Variants in RADIL observed in about 807,000 individuals in gnomAD.
RADIL encodes the protein ras-associating and dilute domain-containing protein.
RADIL carries 99 observed loss-of-function variants against 97.6 expected under a neutral mutation model. That is an observed-to-expected ratio of 1.01 (90% CI 0.86 to 1.20). The LOEUF is 1.20. Among genes scored for constraint, RADIL ranks in the 50% most tolerant of loss-of-function variants. The pLI is 0.00. For missense variants in RADIL, 1,765 were observed against 1,498.9 expected, an observed-to-expected ratio of 1.18 and a Z score of -2.93; for synonymous variants, 803 against 691.8, an observed-to-expected ratio of 1.16 and a Z score of -2.52.
chr7:4,810,624 C>T (rs554615683), intron 9 of RADIL, among the ~76,000 whole-genome samples: 102 of 152,344 alleles, frequency 6.7e-4, no homozygotes, highest in African/African-American at 2.3e-3. Context: ...CTAAGCGGGC[C>T]GTGGCGAGGG....
rs373375590 is a variant in RADIL at position 4,816,283 on chromosome 7, G to A, written c.1911C>T (p.Leu637=). The A allele has an allele frequency of 3.3e-5, 54 of 1,612,688 alleles. No homozygotes were observed. Among genetic ancestry groups the A allele is most frequent in the Non-Finnish European group, 4.3e-5 (51 of 1,179,920 alleles). The change falls in exon 8 of 15, where the codon CTC becomes CTT. Residue 637 remains leucine, a synonymous_variant. Coordinates refer to ENST00000399583, the MANE Select transcript of RADIL (RefSeq NM_018059.5). The part of the protein sequence containing the change: ...QVHPEVASQM[L]AYLFFFSGTL... ...TCCCGGAGAAGAAGAAGAGGTAGGC[G>A]AGCATCTGCGAGGCCACCTCGGGGT...
chr7:4,821,553 C>T lies in RADIL; in HGVS notation c.1615+841G>A, dbSNP rs1325857140. Among the ~76,000 whole-genome samples, 1 of 152,180 alleles carries T rather than the reference C, an allele frequency of 6.6e-6. No homozygotes were observed. The highest frequency in any genetic ancestry group is 2.4e-5 in the African/African-American group (1 of 41,436). On this transcript the variant is annotated intron_variant, in intron 6 of 14. Coordinates refer to ENST00000399583, the MANE Select transcript of RADIL (RefSeq NM_018059.5). This position sits in a 1 kb window ranked among gnomAD's most constrained non-coding sequence, Gnocchi z 5.2. ...CTCCCTTAGTATTTTCAGAACACTT[C>T]CTACTGCATTTCAGAAATCCTGAAA... is the stretch of plus-strand genomic sequence containing the variant.
chr7:4,853,887 G>A (rs1300478388), intron 2 of RADIL, among the ~76,000 whole-genome samples: 1 of 152,070 alleles, frequency 6.6e-6, no homozygotes. Context: ...AATAGCATAA[G>A]CCCTAAGCTA....
intron 2 of RADIL, among the ~76,000 whole-genome samples, chr7:4,844,250 C>A (rs1392376026): frequency 6.6e-6 from 1 of 152,056 alleles, no homozygotes; most frequent in Non-Finnish European, 1.5e-5. Flanking sequence ...TCGAGACCAT[C>A]CTGGCCAACA....
rs377257333 is a variant in RADIL at position 4,846,436 on chromosome 7, C to T, written c.536-9831G>A. ...CTGGGATTACAGGCGTGAGCCACCG[C>T]GCCCGGCCCTATTGCTTTTTTAAGT... On this transcript the variant is annotated intron_variant, in intron 2 of 14. Transcript: ENST00000399583. 2.6e-3 allele frequency among the ~76,000 whole-genome samples: 393 copies of T among 151,406 alleles called. 2 individuals are homozygous for T. The highest frequency in any genetic ancestry group is 8.3e-3 in the African/African-American group (343 of 41,284).
chr7:4,820,611 GT>G (rs1166048912), intron 6 of RADIL, among the ~76,000 whole-genome samples: 1 of 152,204 alleles, frequency 6.6e-6, no homozygotes, highest in Non-Finnish European at 1.5e-5. Context: ...CCCCTTCCCT[GT>G]GAAGGAGGGG....
Position 4,798,716 on chromosome 7 carries a change from G to A in RADIL, c.*662C>T, listed in dbSNP as rs78479125. 6.6e-6 allele frequency: 1 copy of A among 152,586 alleles called. No homozygotes were observed. 9.5% of individuals were successfully genotyped at this position (152,586 alleles called of 1,614,324 possible). ...CGCTGGTGGCTTTAGTAGGGGAGAG[G>A]AACTCAGGAGGGAGCAGGAGTCCTG... On this transcript the variant is annotated 3_prime_UTR_variant, in exon 15 of 15. Coordinates refer to ENST00000399583, the MANE Select transcript of RADIL (RefSeq NM_018059.5).
chr7:4,815,588 C>T lies in RADIL; in HGVS notation c.1967-138G>A. On this transcript the variant is annotated intron_variant, in intron 8 of 14. Transcript: ENST00000399583. The surrounding 1 kb of genome is among the most constrained non-coding windows in gnomAD (Gnocchi z 8.0). ...AGCTCGATGACAGGCAGGACACCTT[C>T]CCTCGGTTTTCAAGGCAACTGACCA... is the stretch of plus-strand genomic sequence containing the variant. 1.0e-6 allele frequency: 1 copy of T among 993,580 alleles called. No individual in the cohort carries two copies. Among genetic ancestry groups the T allele is most frequent in the East Asian group, 2.9e-5 (1 of 34,436 alleles). 61.5% of individuals were successfully genotyped at this position (993,580 alleles called of 1,614,324 possible).
intron 1 of RADIL, among the ~76,000 whole-genome samples, chr7:4,881,303 T>C (rs1204812171): frequency 6.7e-6 from 1 of 149,970 alleles, no homozygotes; most frequent in Non-Finnish European, 1.5e-5. Flanking sequence ...TAGTCCCAGC[T>C]ACTCGGGAGG....
At position 4,867,209 on chromosome 7, in the gene RADIL, C is replaced by G. The variant is rs558656651; in HGVS notation, c.535+10396G>C. 3.9e-5 allele frequency among the ~76,000 whole-genome samples: 6 copies of G among 152,238 alleles called. No homozygotes were observed. Among genetic ancestry groups the G allele is most frequent in the African/African-American group, 1.4e-4 (6 of 41,516 alleles). ...AGGTGTTGAGGGGCACACAGGCACA[C>G]GAGGCTTCTGAGGAAGCTGCTGTCC... On this transcript the variant is annotated intron_variant, in intron 2 of 14. Transcript: ENST00000399583. This position sits in a 1 kb window ranked among gnomAD's most constrained non-coding sequence, Gnocchi z 4.1.
In RADIL at chr7:4,833,641, G is replaced by A. The variant is rs142709184; in HGVS notation, c.1416+966C>T. Among the ~76,000 whole-genome samples the A allele has an allele frequency of 2.6e-5, 4 of 152,322 alleles. No homozygotes were observed. The East Asian group carries it at 7.7e-4, about 29-fold the overall frequency. On this transcript the variant is annotated intron_variant, in intron 4 of 14. Coordinates refer to ENST00000399583, the MANE Select transcript of RADIL (RefSeq NM_018059.5). ...GGATTTCGATATGAGAAAGTGATAA[G>A]GTTTCTACACAGTCAAGTGGTTCCC... is the stretch of plus-strand genomic sequence containing the variant.
chr7:4,865,402 C>T, intron 2 of RADIL: 1 of 637,254 alleles, frequency 1.6e-6, no homozygotes, highest in Non-Finnish European at 2.9e-6. Context: ...TTCAAGAACT[C>T]ATACAAAATA....
rs1784165392 is a variant in RADIL at position 4,867,906 on chromosome 7, CAG to C, written c.535+9697_535+9698del. On this transcript the variant is annotated intron_variant, in intron 2 of 14. Transcript: ENST00000399583. The surrounding 1 kb of genome is among the most constrained non-coding windows in gnomAD (Gnocchi z 4.1). ...ATTGGAAACCCATGGCCACACAAAG[CAG>C]AGAGAAGCTTGGCCCTTTCTCTGCA... Among the ~76,000 whole-genome samples, 1 of 152,238 alleles carries C rather than the reference CAG, an allele frequency of 6.6e-6. No homozygotes were observed. Among genetic ancestry groups the C allele is most frequent in the Non-Finnish European group, 1.5e-5 (1 of 68,040 alleles).
At chr7:4,861,774 G>A in intron 2 of RADIL, 4 of 1,489,320 alleles carry the variant, frequency 2.7e-6, no homozygotes, top group Non-Finnish European at 3.6e-6. Context: ...GGCGCCGGCT[G>A]CGGTGGTCCC....
In RADIL at chr7:4,879,177, C is replaced by G. The variant is rs1344260148; in HGVS notation, c.-64-974G>C. ...CCGCCCACCACAGGCCGCGGGTGCC[C>G]GGCGCTCCAGGCCACAGAGATGCAG... On this transcript the variant is annotated intron_variant, in intron 1 of 14. Coordinates refer to ENST00000399583, the MANE Select transcript of RADIL (RefSeq NM_018059.5). This position sits in a 1 kb window ranked among gnomAD's most constrained non-coding sequence, Gnocchi z 4.1. 6.6e-6 allele frequency among the ~76,000 whole-genome samples: 1 copy of G among 152,220 alleles called. No individual in the cohort carries two copies. Among genetic ancestry groups the G allele is most frequent in the African/African-American group, 2.4e-5 (1 of 41,456 alleles).
chr7:4,871,294 C>T (rs1784247981), intron 2 of RADIL, among the ~76,000 whole-genome samples: 1 of 152,176 alleles, frequency 6.6e-6, no homozygotes, highest in Non-Finnish European at 1.5e-5. Context: ...AGAGTCATAG[C>T]GGAAGAAAAA....
chr7:4,829,316 A>AC (rs1486012954), intron 5 of RADIL, among the ~76,000 whole-genome samples: 1 of 152,056 alleles, frequency 6.6e-6, no homozygotes, highest in African/African-American at 2.4e-5. Context: ...GCCAGGACCC[A>AC]CCCCCAGTGC....
At chr7:4,869,023 A>G (rs966862975) in intron 2 of RADIL, among the ~76,000 whole-genome samples, 9 of 152,212 alleles carry the variant, frequency 5.9e-5, no homozygotes, top group Admixed American at 2.0e-4. Context: ...GCTATTCAGG[A>G]GGCTGAGGCA....
At chr7:4,829,379 G>T (rs974294839) in intron 5 of RADIL, among the ~76,000 whole-genome samples, 7 of 152,208 alleles carry the variant, frequency 4.6e-5, no homozygotes, top group African/African-American at 1.7e-4. Flanking sequence ...GAAAGTGGAA[G>T]GCGTTCGGAG....
Sources: gnomAD v4.1 joint callset for allele counts (sites outside exome capture counted in the v4.1 genomes callset) on GRCh38, gnomAD v4.1.1 for gene constraint, Gnocchi (gnomAD v3.1) non-coding constraint, MANE v1.5 for transcripts, NCBI Gene and HGNC (gene_info 2026-07-23, HGNC 2026-07-21) for gene names.